TRIO: variants seen among roughly 807,000 people sequenced by gnomAD.
The protein encoded by TRIO is triple functional domain protein.
In TRIO, 58 loss-of-function variants were observed where a neutral mutation model predicts 351.9. The observed-to-expected ratio is 0.16, with a 90% confidence interval of 0.13 to 0.21. TRIO has a LOEUF of 0.21. Among genes scored for constraint, TRIO ranks in the 10% least tolerant of loss-of-function variants. TRIO has a pLI of 1.00. For missense variants in TRIO, 3,201 were observed against 4,027.8 expected, an observed-to-expected ratio of 0.79 and a Z score of 5.56; for synonymous variants, 1,758 against 1,595.7, an observed-to-expected ratio of 1.10 and a Z score of -2.42.
At chr5:14,307,623 A>C (rs1009296333) in intron 8 of TRIO, among the ~76,000 whole-genome samples, 5 of 152,168 alleles carry the variant, frequency 3.3e-5, no homozygotes, top group African/African-American at 1.2e-4. Flanking sequence ...ACTTGGTCAG[A>C]TTGGTGTCTG....
intron 21 of TRIO, among the ~76,000 whole-genome samples, chr5:14,387,115 C>T (rs779062625): frequency 2.0e-5 from 3 of 152,204 alleles, no homozygotes; most frequent in African/African-American, 7.2e-5. Context: ...TTGTGAAGAC[C>T]GCGTTCTTCG....
chr5:14,152,305 GCAAAA>G (rs1355712375), intron 1 of TRIO, among the ~76,000 whole-genome samples: 5 of 152,164 alleles, frequency 3.3e-5, no homozygotes, highest in Admixed American at 6.5e-5. Flanking sequence ...AGCTCGAAAA[GCAAAA>G]CAAAACAAAA....
intron 34 of TRIO, among the ~76,000 whole-genome samples, chr5:14,457,559 C>T (rs995445194): frequency 3.3e-5 from 5 of 152,114 alleles, no homozygotes; most frequent in Admixed American, 1.3e-4. Flanking sequence ...TATTTAATTT[C>T]CTTTTCTTCT....
intron 34 of TRIO, among the ~76,000 whole-genome samples, chr5:14,423,587 C>T (rs116137105): frequency 6.6e-6 from 1 of 152,238 alleles, no homozygotes; most frequent in African/African-American, 2.4e-5. Flanking sequence ...AACCAAGAGT[C>T]GCCCTACACA....
intron 1 of TRIO, among the ~76,000 whole-genome samples, chr5:14,170,626 C>A (rs1269623054): frequency 1.3e-5 from 2 of 151,750 alleles, no homozygotes; most frequent in Admixed American, 6.6e-5. Context: ...CCTGCCTCAG[C>A]CTCCCGAGTA....
rs1749989393 is a variant in TRIO at position 14,420,079 on chromosome 5, C to G, written c.5203+58C>G. On this transcript the variant is annotated intron_variant, in intron 34 of 56. Coordinates refer to ENST00000344204, the MANE Select transcript of TRIO (RefSeq NM_007118.4). ...CTACTGGAAGTGGCCCTGGAGCGCT[C>G]TGTCTCCGCGCCTCTCCTGCCTGTT... The G allele has an allele frequency of 5.1e-6, 8 of 1,578,900 alleles. No homozygotes were observed. The South Asian group carries it at 7.0e-5, about 14-fold the overall frequency.
At position 14,487,886 on chromosome 5, in the gene TRIO, AAAGGCGCCG is replaced by A; in HGVS notation, c.7259_7267del (p.Lys2420_Ala2423delinsThr). 6.5e-7 allele frequency: 1 copy of A among 1,540,618 alleles called. No homozygotes were observed. Among genetic ancestry groups the A allele is most frequent in the Non-Finnish European group, 8.7e-7 (1 of 1,143,214 alleles). ...GATGAAGGTGCTGGAGAGCCCCAGG[AAAGGCGCCG>A]CGAACGCCTCGGGGTCGAGCCCAGA... On this transcript the variant is annotated inframe_deletion, in exon 48 of 57. Coordinates refer to ENST00000344204, the MANE Select transcript of TRIO (RefSeq NM_007118.4).
intron 1 of TRIO, 104 bp downstream of exon 1, chr5:14,143,986 C>T (rs1787333457): frequency 1.2e-6 from 1 of 865,664 alleles, no homozygotes. Context: ...GGTGCCCGCC[C>T]GTCCGTCCGT....
intron 11 of TRIO, among the ~76,000 whole-genome samples, chr5:14,356,471 C>T (rs1449867012): frequency 6.6e-6 from 1 of 152,138 alleles, no homozygotes; most frequent in East Asian, 1.9e-4. Flanking sequence ...AAAGACTGAC[C>T]ACATCAGTTA....
chr5:14,373,028 G>A (rs1031395704), intron 18 of TRIO, among the ~76,000 whole-genome samples: 5 of 152,160 alleles, frequency 3.3e-5, no homozygotes, highest in African/African-American at 4.8e-5. Flanking sequence ...CACATGGCGC[G>A]GGAAGTAGAA....
In TRIO at chr5:14,497,995, C is replaced by T; in HGVS notation, c.8048-94C>T. On this transcript the variant is annotated intron_variant, in intron 51 of 56. Transcript: ENST00000344204. The surrounding 1 kb of genome is among the most constrained non-coding windows in gnomAD (Gnocchi z 4.4). ...TCCGTGGCGCTCTAGGCGTGCATAG[C>T]AGGTTAGGTCCTATCAATCTGTCGG... is the stretch of plus-strand genomic sequence containing the variant. 1 of 1,608,650 alleles carries T rather than the reference C, an allele frequency of 6.2e-7. No individual in the cohort carries two copies. The highest frequency in any genetic ancestry group is 1.1e-5 in the South Asian group (1 of 90,870).
At chr5:14,462,208 TG>T (rs1375198148) in intron 35 of TRIO, among the ~76,000 whole-genome samples, 4 of 152,208 alleles carry the variant, frequency 2.6e-5, no homozygotes, top group Non-Finnish European at 5.9e-5. Context: ...TGTTGCAGTG[TG>T]GGGGTTGGGA....
intron 9 of TRIO, among the ~76,000 whole-genome samples, chr5:14,325,416 C>T (rs755089149): frequency 2.0e-5 from 3 of 152,158 alleles, no homozygotes; most frequent in East Asian, 1.9e-4. Flanking sequence ...GCCGGAGCTG[C>T]GTGTACAGAA....
intron 1 of TRIO, among the ~76,000 whole-genome samples, chr5:14,224,957 C>T (rs1177379909): frequency 1.3e-5 from 2 of 152,094 alleles, no homozygotes; most frequent in East Asian, 3.9e-4. Flanking sequence ...ACTTCACCTC[C>T]CTGAGCCTTC....
chr5:14,252,754 G>A (rs1394165358), intron 1 of TRIO, among the ~76,000 whole-genome samples: 3 of 152,180 alleles, frequency 2.0e-5, no homozygotes, highest in Non-Finnish European at 4.4e-5. Context: ...GAGGCAGCCT[G>A]GCCCCGAGCC....
In TRIO at chr5:14,359,462, C is replaced by T. The variant is rs1015656479; in HGVS notation, c.2322C>T (p.Leu774=). 1 of 1,614,280 alleles carries T rather than the reference C, an allele frequency of 6.2e-7. No individual in the cohort carries two copies. Among genetic ancestry groups the T allele is most frequent in the East Asian group, 2.2e-5 (1 of 44,892 alleles). The change falls in exon 13 of 57, where the codon CTC becomes CTT. Residue 774 remains leucine, a synonymous_variant. Coordinates refer to ENST00000344204, the MANE Select transcript of TRIO (RefSeq NM_007118.4). ...LDEAQSQMEE[L]FQERKIKLEL... ...AGGCGCAGTCGCAGATGGAGGAGCT[C>T]TTCCAGGAGCGCAAGATCAAGCTGG...
chr5:14,422,932 C>G (rs908233821), intron 34 of TRIO, among the ~76,000 whole-genome samples: 9 of 152,102 alleles, frequency 5.9e-5, no homozygotes, highest in Admixed American at 3.3e-4. Flanking sequence ...TAAAACCAGC[C>G]TGGGTATCAT....
rs1003367586 is a variant in TRIO, at chr5:14,374,456, G to A, written c.3331+113G>A. 37 of 654,948 alleles carry A rather than the reference G, an allele frequency of 5.6e-5. No individual in the cohort carries two copies. The Admixed American group carries it at 6.7e-4, about 12-fold the overall frequency. 40.6% of individuals were successfully genotyped at this position (654,948 alleles called of 1,614,324 possible). On this transcript the variant is annotated intron_variant, in intron 19 of 56. Transcript: ENST00000344204. ...AACTTCAGTTTCATTTTAAATGTCC[G>A]TTTCATGTTAATGAAGTCCTTACTA...
At chr5:14,504,924 C>T (rs1334814141) in intron 55 of TRIO, among the ~76,000 whole-genome samples, 1 of 152,058 alleles carries the variant, frequency 6.6e-6, no homozygotes, top group Non-Finnish European at 1.5e-5. Flanking sequence ...GAACCCAAGC[C>T]CCCATTAGTG....
Sources: allele counts gnomAD v4.1 joint callset (sites outside exome capture counted in the v4.1 genomes callset), GRCh38; gene constraint gnomAD v4.1.1; non-coding constraint Gnocchi (gnomAD v3.1); transcripts MANE v1.5; gene names NCBI Gene and HGNC (gene_info 2026-07-23, HGNC 2026-07-21).